Variants in ERBB4 observed in about 807,000 individuals in gnomAD.
ERBB4 encodes erb-b2 receptor tyrosine kinase 4.
ERBB4 carries 42 observed loss-of-function variants against 158.0 expected under a neutral mutation model. That is an observed-to-expected ratio of 0.27 (90% CI 0.21 to 0.34). The LOEUF is 0.34. Among genes scored for constraint, ERBB4 ranks in the 10% least tolerant of loss-of-function variants. The pLI is 1.00. For synonymous variants in ERBB4, 583 were observed against 558.7 expected, an observed-to-expected ratio of 1.04 and a Z score of -0.61; for missense variants, 1,333 against 1,624.1, an observed-to-expected ratio of 0.82 and a Z score of 3.08.
At chr2:212,352,312 CTAAAA>C (rs2089286586) in intron 1 of ERBB4, among the ~76,000 whole-genome samples, 1 of 105,194 alleles carries the variant, frequency 9.5e-6, no homozygotes, top group Non-Finnish European at 1.9e-5. Flanking sequence ...ACCCCTGAAC[CTAAAA>C]TAAAAGTTAA....
At chr2:211,563,859 G>A (rs1484754340) in intron 19 of ERBB4, among the ~76,000 whole-genome samples, 2 of 152,130 alleles carry the variant, frequency 1.3e-5, no homozygotes, top group East Asian at 3.9e-4. Flanking sequence ...CACATAGAGG[G>A]TGTAATATGT....
intron 2 of ERBB4, among the ~76,000 whole-genome samples, chr2:212,120,153 A>T (rs1430684036): frequency 2.0e-5 from 3 of 152,046 alleles, no homozygotes; most frequent in African/African-American, 7.2e-5. Flanking sequence ...GCTTTTTTCT[A>T]CTCTGTTTCT....
chr2:212,281,871 A>G (rs892603854), intron 1 of ERBB4, among the ~76,000 whole-genome samples: 24 of 151,796 alleles, frequency 1.6e-4, no homozygotes, highest in African/African-American at 5.6e-4. Context: ...ACTCTGCTTC[A>G]ATGTGTTATA....
chr2:211,393,940 G>C (rs561522557), intron 25 of ERBB4, among the ~76,000 whole-genome samples: 1 of 152,050 alleles, frequency 6.6e-6, no homozygotes, highest in African/African-American at 2.4e-5. Flanking sequence ...CAGCACTCTT[G>C]CTTATGGATT....
intron 1 of ERBB4, among the ~76,000 whole-genome samples, chr2:212,537,300 C>T (rs556375134): frequency 1.3e-5 from 2 of 152,144 alleles, no homozygotes; most frequent in African/African-American, 4.8e-5. Flanking sequence ...TGGATGGTTT[C>T]GGAAATCTCT....
rs537924846 is a variant in ERBB4, at chr2:212,062,834, T to C, written c.234+61918A>G. ...ACACATTTTAAGAAGACACTGGCTA[T>C]GAAACCAGACTGGCCTGTGTATAAT... On this transcript the variant is annotated intron_variant, in intron 2 of 27. Coordinates refer to ENST00000342788, the MANE Select transcript of ERBB4 (RefSeq NM_005235.3). 4.6e-5 allele frequency among the ~76,000 whole-genome samples: 7 copies of C among 152,324 alleles called. No individual in the cohort carries two copies. In the East Asian group the frequency reaches 1.2e-3, roughly 25 times the overall value.
At chr2:211,527,066 G>T (rs72939466) in intron 20 of ERBB4, among the ~76,000 whole-genome samples, 1 of 152,076 alleles carries the variant, frequency 6.6e-6, no homozygotes, top group Non-Finnish European at 1.5e-5. Context: ...CACACCTAGA[G>T]AAAAATATCA....
intron 3 of ERBB4, among the ~76,000 whole-genome samples, chr2:211,935,908 A>G (rs1055502943): frequency 3.3e-5 from 5 of 152,154 alleles, no homozygotes; most frequent in African/African-American, 1.2e-4. Context: ...TATTATTGTT[A>G]TTATTAACAA....
intron 1 of ERBB4, among the ~76,000 whole-genome samples, chr2:212,239,370 G>A (rs1441985693): frequency 1.3e-5 from 2 of 152,214 alleles, no homozygotes; most frequent in African/African-American, 4.8e-5. Context: ...ATACAAAAAG[G>A]AGTAATTGCA....
At chr2:211,927,359 G>T (rs1166892646) in intron 3 of ERBB4, among the ~76,000 whole-genome samples, 2 of 151,990 alleles carry the variant, frequency 1.3e-5, no homozygotes, top group Admixed American at 1.3e-4. Flanking sequence ...ATATAATATG[G>T]ATATATTCTG....
chr2:212,331,091 C>CATATATATATATATAT (rs1179210670), intron 1 of ERBB4, among the ~76,000 whole-genome samples: 1 of 46,812 alleles, frequency 2.1e-5, no homozygotes, highest in Non-Finnish European at 6.9e-5. Flanking sequence ...TATATATGCC[C>CATATATATATATATAT]ATAACACTTA....
At chr2:212,207,060 A>C (rs1464448) in intron 1 of ERBB4, among the ~76,000 whole-genome samples, 9,544 of 152,138 alleles carry the variant, frequency 0.063, 359 homozygotes, top group Non-Finnish European at 0.082. Flanking sequence ...TGACATTTAT[A>C]AATGCTTATA....
Position 211,944,164 on chromosome 2 carries a change from C to CTATATATATATACACTATA in ERBB4, c.421+3265_421+3266insTATAGTGTATATATATATA, listed in dbSNP as rs1553517839. ...TATACATATACACTATATATATACA[C>CTATATATATATACACTATA]TATATATATATACTATATATATATA... On this transcript the variant is annotated intron_variant, in intron 3 of 27. Transcript: ENST00000342788. Among the ~76,000 whole-genome samples the CTATATATATATACACTATA allele has an allele frequency of 4.8e-4, 48 of 100,886 alleles. 1 individual carries two copies. The highest frequency in any genetic ancestry group is 1.9e-3 in the African/African-American group (46 of 23,644). The allele number at this position is 100,886 out of a possible 152,430, so 66.2% of individuals were successfully genotyped here.
At chr2:212,194,764 A>C (rs973158473) in intron 1 of ERBB4, among the ~76,000 whole-genome samples, 1 of 152,076 alleles carries the variant, frequency 6.6e-6, no homozygotes, top group African/African-American at 2.4e-5. Context: ...GAAGGTTTTT[A>C]AGAATTTCTT....
chr2:211,405,696 C>T (rs764486588), intron 25 of ERBB4, among the ~76,000 whole-genome samples: 1 of 152,128 alleles, frequency 6.6e-6, no homozygotes, highest in African/African-American at 2.4e-5. Context: ...CGGCTCTTCA[C>T]TAGTTCTACA....
chr2:212,290,166 T>C (rs2086151983), intron 1 of ERBB4, among the ~76,000 whole-genome samples: 1 of 152,168 alleles, frequency 6.6e-6, no homozygotes, highest in Admixed American at 6.5e-5. Context: ...ACAGAAATCA[T>C]ACATGTAGTT....
intron 12 of ERBB4, among the ~76,000 whole-genome samples, chr2:211,693,036 T>C (rs1390186669): frequency 1.3e-5 from 2 of 152,204 alleles, no homozygotes; most frequent in Non-Finnish European, 2.9e-5. Context: ...GTTAAATAGA[T>C]GCTACACAAA....
intron 1 of ERBB4, among the ~76,000 whole-genome samples, chr2:212,441,191 T>A (rs911892034): frequency 4.7e-5 from 7 of 149,450 alleles, no homozygotes; most frequent in African/African-American, 1.7e-4. Flanking sequence ...TAAACTCTGA[T>A]GAACCTTTTT....
intron 1 of ERBB4, among the ~76,000 whole-genome samples, chr2:212,521,200 A>G (rs992169421): frequency 6.6e-6 from 1 of 151,980 alleles, no homozygotes; most frequent in African/African-American, 2.4e-5. Flanking sequence ...CACTTTAAAA[A>G]ACAATAAGGA....
Sources: gnomAD v4.1 joint callset for allele counts (sites outside exome capture counted in the v4.1 genomes callset) on GRCh38, gnomAD v4.1.1 for gene constraint, MANE v1.5 for transcripts, NCBI Gene and HGNC (gene_info 2026-07-23, HGNC 2026-07-21) for gene names.